Variants in IL23R observed in about 807,000 individuals in gnomAD.
IL23R encodes the protein interleukin-23 receptor.
Under a neutral mutation model 56.9 loss-of-function variants are expected in IL23R, and 34 were observed. The observed-to-expected ratio is 0.60, with a 90% CI of 0.45 to 0.80. The LOEUF (loss-of-function observed/expected upper bound fraction) is 0.80. Ranked by LOEUF, IL23R falls within the 30% of genes least tolerant of loss-of-function variation. The probability of loss-of-function intolerance (pLI) is 0.00; values close to 1 mark genes in which losing one functional copy is unlikely to be tolerated. For synonymous variants in IL23R, 230 were observed against 249.2 expected (o/e 0.92, Z 0.73); for missense variants, 635 against 730.0 (o/e 0.87, Z 1.50).
In IL23R at chr1:67,200,397, C is replaced by CT. The variant is rs1208404450; in HGVS notation, c.492-326dup. ...GGAATAATTAATTCAAACTTTTTTT[C>CT]TTTTTTTTTTTTTTGAGACAGAGTC... On this transcript the variant is annotated intron_variant, in intron 4 of 10. Transcript: ENST00000347310. 2.0e-3 allele frequency among the ~76,000 whole-genome samples: 275 copies of CT among 137,906 alleles called. 1 individual carries two copies. Among genetic ancestry groups the CT allele is most frequent in the Middle Eastern group, 8.1e-3 (2 of 246 alleles). 90.5% of individuals were successfully genotyped at this position (137,906 alleles called of 152,430 possible). A position where few individuals can be genotyped will look rare whatever the true frequency, so the allele number is the denominator to read the frequency against.
At chr1:67,215,771 C>T (rs548080382) in intron 6 of IL23R, among the ~76,000 whole-genome samples, 8 of 152,340 alleles carry the variant, frequency 5.3e-5, no homozygotes, top group African/African-American at 1.7e-4. Flanking sequence ...TCATCCTACT[C>T]TAGCATTTGA....
In IL23R at chr1:67,238,960, G is replaced by T. The variant is rs142504609; in HGVS notation, c.1046-1219G>T. 1.6e-3 allele frequency among the ~76,000 whole-genome samples: 241 copies of T among 152,232 alleles called. 1 individual carries two copies. Among genetic ancestry groups the T allele is most frequent in the African/African-American group, 5.6e-3 (233 of 41,540 alleles). On this transcript the variant is annotated intron_variant, in intron 8 of 10. Transcript: ENST00000347310. ...AGACCCCGGTATGTGAAATAACTAGGGTGGGGCAAACACAGTGTCTGCCAC... is the reference window on the plus strand; with the variant it reads ...AGACCCCGGTATGTGAAATAACTAGTGTGGGGCAAACACAGTGTCTGCCAC...
chr1:67,243,599 G>A lies in IL23R; in HGVS notation c.1148+3318G>A, dbSNP rs1198348872. On this transcript the variant is annotated intron_variant, in intron 9 of 10. Coordinates refer to ENST00000347310, the MANE Select transcript of IL23R (RefSeq NM_144701.3). ...CTTGTGTTAGTTTGCTGAGAATGAC[G>A]GTTTCCAGATTCATCCATGTCCCTG... Among the ~76,000 whole-genome samples, 10 of 152,030 alleles carry A rather than the reference G, an allele frequency of 6.6e-5. 1 individual carries two copies. The highest frequency in any genetic ancestry group is 2.1e-4 in the South Asian group (1 of 4,820).
chr1:67,222,102 C>CTTTCTTTTTTT (rs1440089182), intron 7 of IL23R, among the ~76,000 whole-genome samples: 1 of 58,892 alleles, frequency 1.7e-5, no homozygotes, highest in African/African-American at 6.3e-5. Context: ...TTCTTTCTTT[C>CTTTCTTTTTTT]TTTTTTTTTT....
Position 67,240,207 on chromosome 1 carries a change from G to A in IL23R, c.1074G>A (p.Leu358=). 6.2e-7 allele frequency: 1 copy of A among 1,612,148 alleles called. No individual in the cohort carries two copies. The highest frequency in any genetic ancestry group is 8.5e-7 in the Non-Finnish European group (1 of 1,178,388). ...ACAGAGGAGACATTGGACTTTTATT[G>A]GGAATGATCGTCTTTGCTGTTATGT... ...SDNRGDIGLL[L]GMIVFAVMLS... Residue 358 remains leucine (L), a synonymous_variant, in exon 9 of 11, where the codon TTG becomes TTA. Transcript: ENST00000347310.
chr1:67,236,231 C>T (rs548482335), intron 7 of IL23R, among the ~76,000 whole-genome samples: 1 of 152,334 alleles, frequency 6.6e-6, no homozygotes, highest in African/African-American at 2.4e-5. Flanking sequence ...TGCCTGCTAA[C>T]CAAAATTAGG....
chr1:67,221,085 C>T (rs72676087), intron 7 of IL23R, among the ~76,000 whole-genome samples: 13,447 of 152,130 alleles, frequency 0.088, 709 homozygotes, highest in Non-Finnish European at 0.11. Context: ...CTTTCAGAGG[C>T]GGAGGCAGTT....
Position 67,259,259 on chromosome 1 carries a change from T to G in IL23R, c.*131T>G, listed in dbSNP as rs1347482250. ...ACATACAAATCTTCACATGGACACA[T>G]GTTTTCATTTCCCTTGGATAAATAC... On this transcript the variant is annotated 3_prime_UTR_variant, in exon 11 of 11. Coordinates refer to ENST00000347310, the MANE Select transcript of IL23R (RefSeq NM_144701.3). 4 of 868,876 alleles carry G rather than the reference T, an allele frequency of 4.6e-6. No homozygotes were observed. Among genetic ancestry groups the G allele is most frequent in the African/African-American group, 3.4e-5 (2 of 59,562 alleles). 53.8% of individuals were successfully genotyped at this position (868,876 alleles called of 1,614,324 possible). A position where few individuals can be genotyped will look rare whatever the true frequency, so the allele number is the denominator to read the frequency against.
At chr1:67,218,126 TC>T (rs1021749054) in intron 6 of IL23R, among the ~76,000 whole-genome samples, 17 of 152,112 alleles carry the variant, frequency 1.1e-4, no homozygotes, top group African/African-American at 4.1e-4. Flanking sequence ...TGTTTGGGGC[TC>T]ATTTTTCATT....
chr1:67,261,846 T>G (rs1284158216), downstream of IL23R, among the ~76,000 whole-genome samples: 6 of 152,234 alleles, frequency 3.9e-5, no homozygotes, highest in Non-Finnish European at 8.8e-5. Context: ...CTGCAAATGT[T>G]TCCACTGCAG....
intron 9 of IL23R, among the ~76,000 whole-genome samples, chr1:67,243,616 A>C (rs1423819821): frequency 1.3e-5 from 2 of 152,146 alleles, no homozygotes; most frequent in South Asian, 2.1e-4. Context: ...AGATTCATCC[A>C]TGTCCCTGCA....
In IL23R at chr1:67,256,602, C is replaced by A. The variant is rs11465823; in HGVS notation, c.1239+675C>A. On this transcript the variant is annotated intron_variant, in intron 10 of 10. Coordinates refer to ENST00000347310, the MANE Select transcript of IL23R (RefSeq NM_144701.3). ...CCAAGGGACAAACACATCATCCAAGCCTTGCAATGCAGTGATGTAAGTGCA... is the reference window on the plus strand; with the variant it reads ...CCAAGGGACAAACACATCATCCAAGACTTGCAATGCAGTGATGTAAGTGCA... Among the ~76,000 whole-genome samples, 491 of 152,218 alleles carry A rather than the reference C, an allele frequency of 3.2e-3. 3 individuals are homozygous for A. The highest frequency in any genetic ancestry group is 6.7e-3 in the Admixed American group (102 of 15,284).
chr1:67,162,241 G>A (rs1004378147), upstream of IL23R, among the ~76,000 whole-genome samples: 2 of 151,850 alleles, frequency 1.3e-5, no homozygotes, highest in African/African-American at 4.8e-5. Context: ...CGAGGCAGAC[G>A]GATCACGAAG....
At chr1:67,155,093 T>C (rs1007453134) in intron 1 of IL23R, among the ~76,000 whole-genome samples, 8 of 152,216 alleles carry the variant, frequency 5.3e-5, no homozygotes, top group Admixed American at 2.0e-4. Flanking sequence ...AAAATTCTTT[T>C]CTATAAGAAT....
intron 4 of IL23R, among the ~76,000 whole-genome samples, chr1:67,198,815 C>T (rs557435734): frequency 4.6e-4 from 70 of 152,220 alleles, no homozygotes; most frequent in African/African-American, 1.6e-3. Context: ...CATGGTAGTA[C>T]GTGCCTGTGG....
chr1:67,254,989 T>A (rs982410149), intron 9 of IL23R, among the ~76,000 whole-genome samples: 7 of 152,196 alleles, frequency 4.6e-5, no homozygotes, highest in Non-Finnish European at 8.8e-5. Context: ...CAAGACATGT[T>A]CCCCAGCCTC....
chr1:67,185,446 G>A (rs145412904), intron 4 of IL23R, among the ~76,000 whole-genome samples: 308 of 151,894 alleles, frequency 2.0e-3, no homozygotes, highest in African/African-American at 7.2e-3. Context: ...TTTTGTTTTC[G>A]TTTTTGTTTT....
chr1:67,236,792 C>A lies in IL23R; in HGVS notation c.1035C>A (p.His345Gln). 6.2e-7 allele frequency: 1 copy of A among 1,606,160 alleles called. No individual in the cohort carries two copies. The highest frequency in any genetic ancestry group is 8.5e-7 in the Non-Finnish European group (1 of 1,172,852). ...GLTVASISTGHLTSDNRGDIG... is the reference protein window; with the variant it reads ...GLTVASISTGQLTSDNRGDIG... ...CAGTTGCTTCCATCTCTACAGGGCA[C>A]CTTACTTCTGGTAAGAAAATACAAC... Residue 345 changes from histidine (H) to glutamine (Q), a missense_variant, in exon 8 of 11, where the codon CAC becomes CAA. Coordinates refer to ENST00000347310, the MANE Select transcript of IL23R (RefSeq NM_144701.3).
chr1:67,167,128 G>A (rs956159662), intron 1 of IL23R, among the ~76,000 whole-genome samples: 1 of 152,168 alleles, frequency 6.6e-6, no homozygotes, highest in Non-Finnish European at 1.5e-5. Flanking sequence ...CGGGGGACAA[G>A]GTCTCACTCT....
Sources: gnomAD v4.1 joint callset for allele counts (sites outside exome capture counted in the v4.1 genomes callset) on GRCh38, gnomAD v4.1.1 for gene constraint, MANE v1.5 for transcripts, NCBI Gene and HGNC (gene_info 2026-07-23, HGNC 2026-07-21) for gene names.